Variants in RNASEH2A observed in about 807,000 individuals in gnomAD.
The protein encoded by RNASEH2A is ribonuclease H2 subunit A.
In RNASEH2A, 30 loss-of-function variants were observed where a neutral mutation model predicts 32.7. The ratio of observed to expected loss-of-function variants is 0.92; its 90% CI spans 0.69 to 1.25. The LOEUF is 1.25. Among genes scored for constraint, RNASEH2A ranks in the 50% most tolerant of loss-of-function variants. The pLI, the probability that RNASEH2A is intolerant of heterozygous loss-of-function variation, is 0.00. For missense variants in RNASEH2A, 409 were observed against 398.1 expected (o/e 1.03, Z -0.23); for synonymous variants, 147 against 165.4 (o/e 0.89, Z 0.86).
At chr19:12,811,745 C>G (rs1022962398) in intron 6 of RNASEH2A, among the ~76,000 whole-genome samples, 67 of 151,730 alleles carry the variant, frequency 4.4e-4, no homozygotes, top group African/African-American at 1.6e-3. Context: ...TGGTGAAACC[C>G]CATCTCTACT....
chr19:12,810,459 C>G (rs1335639230), intron 6 of RNASEH2A, 55 bp downstream of exon 6: 1 of 1,391,154 alleles, frequency 7.2e-7, no homozygotes, highest in Non-Finnish European at 1.0e-6. Context: ...GCTGAGCACA[C>G]TTCTGAGGTT....
Position 12,807,064 on chromosome 19 carries a change from G to T in RNASEH2A, c.184G>T (p.Ala62Ser). The change falls in exon 2 of 8, where the codon GCG (alanine) becomes TCG (serine). Residue 62 changes from alanine (A) to serine (S), a missense_variant. By Grantham distance (99) the Ala-to-Ser change is moderately conservative. Transcript: ENST00000221486. ...CCTGCCTCGCCTGGCAGATCTGGAG[G>T]CGCTGAAAGTGGCAGGTGAGCCCGA... ...CPLPRLADLE[A>S]LKVADSKTLL... 2.5e-6 allele frequency: 4 copies of T among 1,614,180 alleles called. No homozygotes were observed. The highest frequency in any genetic ancestry group is 3.4e-6 in the Non-Finnish European group (4 of 1,180,028).
chr19:12,811,930 A>G (rs532543215), intron 6 of RNASEH2A, among the ~76,000 whole-genome samples: 11 of 149,920 alleles, frequency 7.3e-5, no homozygotes, highest in Non-Finnish European at 1.3e-4. Context: ...TAATAATAAT[A>G]ATAATAATAA....
chr19:12,813,239 G>C, intron 7 of RNASEH2A, 33 bp downstream of exon 7: 1 of 1,613,906 alleles, frequency 6.2e-7, no homozygotes, highest in East Asian at 2.2e-5. Context: ...GGGTGCTATA[G>C]GGAAGGAAGG....
intron 6 of RNASEH2A, among the ~76,000 whole-genome samples, chr19:12,811,691 G>T (rs906608590): frequency 6.6e-6 from 1 of 151,988 alleles, no homozygotes; most frequent in Admixed American, 6.6e-5. Context: ...GCTGAGGCAG[G>T]TGGATCCTTT....
At chr19:12,812,215 T>C (rs1191188731) in intron 6 of RNASEH2A, among the ~76,000 whole-genome samples, 3 of 150,538 alleles carry the variant, frequency 2.0e-5, no homozygotes, top group East Asian at 2.0e-4. Flanking sequence ...GCCTGGGTAA[T>C]AGAGCGAGAC....
chr19:12,810,105 A>C lies in RNASEH2A; in HGVS notation c.446A>C (p.Tyr149Ser). The change falls in exon 5 of 8, where the codon TAC (tyrosine) becomes TCC (serine). Residue 149 changes from tyrosine (Y) to serine (S), a missense_variant. Coordinates refer to ENST00000221486, the MANE Select transcript of RNASEH2A (RefSeq NM_006397.3). Reference sequence around the variant, plus strand: ...GACACCGTAGGGATGCCAGAGACATACCAGGCGCGGCTGCAGCAAAGTTTT... The same window carrying C: ...GACACCGTAGGGATGCCAGAGACATCCCAGGCGCGGCTGCAGCAAAGTTTT... ...FVDTVGMPET[Y>S]QARLQQSFPG... 6.2e-7 allele frequency: 1 copy of C among 1,614,206 alleles called. No individual in the cohort carries two copies. The highest frequency in any genetic ancestry group is 8.5e-7 in the Non-Finnish European group (1 of 1,180,042).
At chr19:12,810,992 G>C (rs541286350) in intron 6 of RNASEH2A, among the ~76,000 whole-genome samples, 10 of 151,906 alleles carry the variant, frequency 6.6e-5, no homozygotes, top group African/African-American at 2.4e-4. Flanking sequence ...AAAGAGATGG[G>C]GTCTCCCTAT....
rs201413125 is a variant in RNASEH2A at position 12,810,076 on chromosome 19, C to A, written c.417C>A (p.Phe139Leu). The A allele has an allele frequency of 8.1e-6, 13 of 1,613,906 alleles. 1 individual carries two copies. The highest frequency in any genetic ancestry group is 1.7e-5 in the Admixed American group (1 of 59,990). ...TGTGTCTGTTGCTGTGGCAGGTATT[C>A]GTGGACACCGTAGGGATGCCAGAGA... ...LDQGVNVTQV[F>L]VDTVGMPETY... The change falls in exon 5 of 8, where the codon TTC becomes TTA. Residue 139 changes from phenylalanine to leucine, a missense_variant. Phe to Leu is a conservative substitution (Grantham distance 22, BLOSUM62 0). Transcript: ENST00000221486.
rs955631391 is a variant in RNASEH2A, at chr19:12,806,747, G to T, written c.74G>T (p.Arg25Leu). The change falls in exon 1 of 8, where the codon CGC becomes CTC. Residue 25 changes from arginine (R) to leucine (L), a missense_variant. Transcript: ENST00000221486. ...RLSSPVPAVCRKEPCVLGVDE... is the reference protein window; with the variant it reads ...RLSSPVPAVCLKEPCVLGVDE... ...AGTTCGCCTGTGCCCGCGGTGTGCC[G>T]CAAGGAGCCTTGCGTCCTGGGCGTC... is the stretch of plus-strand genomic sequence containing the variant. 1.3e-6 allele frequency: 2 copies of T among 1,572,376 alleles called. No homozygotes were observed. Among genetic ancestry groups the T allele is most frequent in the Non-Finnish European group, 1.7e-6 (2 of 1,158,706 alleles).
At chr19:12,809,155 A>AGG (rs1486438281) in intron 4 of RNASEH2A, among the ~76,000 whole-genome samples, 1 of 152,174 alleles carries the variant, frequency 6.6e-6, no homozygotes, top group African/African-American at 2.4e-5. Context: ...CGGGCGGATC[A>AGG]TCAGGTCAGG....
Position 12,813,332 on chromosome 19 carries a change from G to A in RNASEH2A, c.766G>A (p.Asp256Asn), listed in dbSNP as rs769772287. The A allele has an allele frequency of 3.7e-6, 6 of 1,614,142 alleles. No homozygotes were observed. Among genetic ancestry groups the A allele is most frequent in the Non-Finnish European group, 3.4e-6 (4 of 1,180,022 alleles). Residue 256 changes from aspartate (D) to asparagine (N), a missense_variant, in exon 8 of 8, where the codon GAC becomes AAC. Physicochemically the swap from Asp to Asn is conservative, Grantham distance 23. Coordinates refer to ENST00000221486, the MANE Select transcript of RNASEH2A (RefSeq NM_006397.3). ...GTCATCACCTCTCTCCCACAGGGAG[G>A]ACTCAGCATCCGAGAATCAGGAGGG... is the stretch of plus-strand genomic sequence containing the variant. ...EKEAEDVIWE[D>N]SASENQEGLR...
chr19:12,807,657 C>T (rs973531666), intron 4 of RNASEH2A, 151 bp downstream of exon 4: 10 of 745,508 alleles, frequency 1.3e-5, no homozygotes, highest in African/African-American at 5.2e-5. Context: ...GGAGGCAGGG[C>T]GCAGTGGCTC....
chr19:12,810,280 G>T, intron 5 of RNASEH2A, 37 bp from the exon 6 acceptor site: 1 of 1,614,130 alleles, frequency 6.2e-7, no homozygotes, highest in Non-Finnish European at 8.5e-7. Context: ...CCACCAAAGG[G>T]AAGGAGGGAG....
At position 12,807,491 on chromosome 19, in the gene RNASEH2A, C is replaced by T. The variant is rs1360201052; in HGVS notation, c.396C>T (p.Gly132=). The T allele has an allele frequency of 8.1e-6, 13 of 1,613,788 alleles. No individual in the cohort carries two copies. The highest frequency in any genetic ancestry group is 1.1e-5 in the Non-Finnish European group (13 of 1,179,816). Residue 132 remains glycine, a synonymous_variant, in exon 4 of 8, where the codon GGC becomes GGT. Transcript: ENST00000221486. The stretch of plus-strand genomic sequence containing the variant: ...TTATACAGTATGCATTGGACCAGGG[C>T]GTGAACGTCACCCAGGTGAGTTAAC... ...TGLIQYALDQ[G]VNVTQVFVDT...
chr19:12,806,926 A>C (rs1276954454), intron 1 of RNASEH2A, 82 bp from the exon 2 acceptor site: 2 of 1,603,752 alleles, frequency 1.2e-6, no homozygotes, highest in Non-Finnish European at 1.7e-6. Flanking sequence ...AGCAGTGATG[A>C]TAGAACAGGG....
intron 7 of RNASEH2A, 54 bp downstream of exon 7, chr19:12,813,260 G>T: frequency 2.5e-6 from 4 of 1,614,046 alleles, no homozygotes; most frequent in Non-Finnish European, 3.4e-6. Flanking sequence ...AGGGAGGCCA[G>T]CGTTCAGCCC....
Position 12,810,417 on chromosome 19 carries a change from G to A in RNASEH2A, c.637+13G>A, listed in dbSNP as rs73503453. 15,666 of 1,608,616 alleles carry A rather than the reference G, an allele frequency of 9.7e-3. 1,384 individuals carry two copies. In the African/African-American group the frequency reaches 0.19, roughly 19 times the overall value. ...GGCTACCCCAATGGTGAGCAGACAC[G>A]TGACCATGGTACTAATGTTGAAATG... On this transcript the variant is annotated intron_variant, in intron 6 of 7. Coordinates refer to ENST00000221486, the MANE Select transcript of RNASEH2A (RefSeq NM_006397.3).
In RNASEH2A at chr19:12,806,781, G is replaced by T; in HGVS notation, c.108G>T (p.Ala36=). ...KEPCVLGVDE[A]GRGPVLGPMV... is the part of the protein sequence containing the mutation. ...CTTGCGTCCTGGGCGTCGATGAGGC[G>T]GGCAGGGGCCCCGTGCTGGGTGCGC... Residue 36 remains alanine (A), a synonymous_variant, in exon 1 of 8, where the codon GCG becomes GCT. Transcript: ENST00000221486. The T allele has an allele frequency of 6.3e-7, 1 of 1,577,250 alleles. No individual in the cohort carries two copies. The highest frequency in any genetic ancestry group is 2.3e-5 in the East Asian group (1 of 43,568).
Sources: gnomAD v4.1 joint callset for allele counts (sites outside exome capture counted in the v4.1 genomes callset) on GRCh38, gnomAD v4.1.1 for gene constraint, MANE v1.5 for transcripts, NCBI Gene and HGNC (gene_info 2026-07-23, HGNC 2026-07-21) for gene names.